The following TARDBP variants were observed in gnomAD, a reference collection of about 807,000 sequenced individuals.
TARDBP encodes TAR DNA binding protein.
Under a neutral mutation model 38.3 loss-of-function variants are expected in TARDBP, and 4 were observed. That is an observed-to-expected ratio of 0.10 (90% CI 0.05 to 0.24). TARDBP has a LOEUF of 0.24. Ranked by LOEUF, TARDBP falls within the 10% of genes least tolerant of loss-of-function variation. TARDBP has a pLI of 1.00. For missense variants in TARDBP, 202 were observed against 521.9 expected (o/e 0.39, Z 5.97); for synonymous variants, 184 against 183.8 (o/e 1.00, Z -0.01).
At chr1:11,027,746 CA>C, downstream of TARDBP, 2 of 1,292,164 alleles carry the variant, frequency 1.5e-6, no homozygotes, top group Non-Finnish European at 2.1e-6. Context: ...TGATGTCAAC[CA>C]AAAATTATAT....
chr1:11,023,351 G>A lies in TARDBP; in HGVS notation c.*697G>A, dbSNP rs387906334. 1.7e-5 allele frequency: 21 copies of A among 1,222,634 alleles called. No individual in the cohort carries two copies. Among genetic ancestry groups the A allele is most frequent in the African/African-American group, 4.5e-5 (3 of 66,296 alleles). 75.7% of individuals were successfully genotyped at this position (1,222,634 alleles called of 1,614,324 possible). A position where few individuals can be genotyped will look rare whatever the true frequency, so the allele number is the denominator to read the frequency against. On this transcript the variant is annotated 3_prime_UTR_variant, in exon 6 of 6. Coordinates refer to ENST00000240185, the MANE Select transcript of TARDBP (RefSeq NM_007375.4). ...GACGGTGGGTGTCCCATTTTTATCC[G>A]CTACTCTTTATTTCATGGAGTCGTA...
In TARDBP at chr1:11,012,698, C is replaced by A. The variant is rs1263726077; in HGVS notation, c.-58C>A. ...GTGGCTGGGCTGCGCTTGGGTCCGTCGCTGCTTCGGTGTCCCTGTCGGGCT... is the reference window on the plus strand; with the variant it reads ...GTGGCTGGGCTGCGCTTGGGTCCGTAGCTGCTTCGGTGTCCCTGTCGGGCT... On this transcript the variant is annotated 5_prime_UTR_variant, in exon 1 of 6. Transcript: ENST00000240185. The A allele has an allele frequency of 6.6e-6, 1 of 152,242 alleles. No homozygotes were observed. The highest frequency in any genetic ancestry group is 1.5e-5 in the Non-Finnish European group (1 of 68,066). 9.4% of individuals were successfully genotyped at this position (152,242 alleles called of 1,614,324 possible).
chr1:11,020,394 T>C (rs762052579), intron 4 of TARDBP, 35 bp from the exon 5 acceptor site: 3 of 1,613,466 alleles, frequency 1.9e-6, no homozygotes, highest in South Asian at 2.2e-5. Flanking sequence ...TCATAACATA[T>C]TTCTGAGTTT....
downstream of TARDBP, chr1:11,030,463 T>C (rs1447419458): frequency 1.2e-5 from 7 of 582,782 alleles, no homozygotes; most frequent in Admixed American, 1.0e-4. Flanking sequence ...AACTTGAATA[T>C]GTATCAAGAT....
chr1:11,030,419 G>A (rs558824017), downstream of TARDBP: 317 of 598,290 alleles, frequency 5.3e-4, 5 homozygotes, highest in South Asian at 5.4e-3. Context: ...GCATTACCAT[G>A]TTTGCTTGCA....
chr1:11,017,395 T>C (rs923192105), intron 3 of TARDBP, among the ~76,000 whole-genome samples: 2 of 151,978 alleles, frequency 1.3e-5, no homozygotes, highest in African/African-American at 4.8e-5. Flanking sequence ...AGAGACAGGG[T>C]TTCACCCGTT....
rs528494087 is a variant in TARDBP, at chr1:11,022,459, G to A, written c.1050G>A (p.Ser350=). The stretch of plus-strand genomic sequence containing the variant: ...GCCAGCAGAACCAGTCAGGCCCATC[G>A]GGTAATAACCAAAACCAAGGCAACA... ...LASQQNQSGP[S]GNNQNQGNMQ... Residue 350 remains serine, a synonymous_variant, in exon 6 of 6, where the codon TCG becomes TCA. Transcript: ENST00000240185. The surrounding 1 kb of genome is among the most constrained non-coding windows in gnomAD (Gnocchi z 4.5). 10 of 1,612,344 alleles carry A rather than the reference G, an allele frequency of 6.2e-6. No homozygotes were observed. The highest frequency in any genetic ancestry group is 1.1e-5 in the South Asian group (1 of 91,052).
At chr1:11,027,523 C>CAT, downstream of TARDBP, 1 of 1,614,162 alleles carries the variant, frequency 6.2e-7, no homozygotes, top group Non-Finnish European at 8.5e-7. Context: ...ACCCAGTTGT[C>CAT]ATATAAAAGT....
chr1:11,020,294 A>G, intron 4 of TARDBP, 135 bp from the exon 5 acceptor site: 1 of 1,020,484 alleles, frequency 9.8e-7, no homozygotes, highest in Non-Finnish European at 1.5e-6. Flanking sequence ...TGATGGAAAA[A>G]ATTAAGGGTA....
chr1:11,016,787 G>C, intron 2 of TARDBP, 57 bp from the exon 3 acceptor site: 2 of 1,572,052 alleles, frequency 1.3e-6, no homozygotes, highest in Non-Finnish European at 1.7e-6. Context: ...AGGAGGTAGT[G>C]TTTTTAAAGA....
chr1:11,021,934 G>A (rs1252844017), intron 5 of TARDBP, among the ~76,000 whole-genome samples, 190 bp from the exon 6 acceptor site: 1 of 152,182 alleles, frequency 6.6e-6, no homozygotes, highest in South Asian at 2.1e-4. Context: ...TTTGAAAATC[G>A]ACTGAAATAT....
At chr1:11,013,498 G>GT (rs1338053958) in intron 1 of TARDBP, among the ~76,000 whole-genome samples, 17 of 152,314 alleles carry the variant, frequency 1.1e-4, no homozygotes, top group Admixed American at 5.2e-4. Flanking sequence ...TTCAGGGAAA[G>GT]TTTTTTGAAT....
At chr1:11,018,558 C>A in intron 3 of TARDBP, 175 bp from the exon 4 acceptor site, 1 of 810,838 alleles carries the variant, frequency 1.2e-6, no homozygotes, top group Non-Finnish European at 2.0e-6. Flanking sequence ...GTTGTTAACA[C>A]AGTATGGATT....
intron 1 of TARDBP, among the ~76,000 whole-genome samples, chr1:11,013,344 C>T (rs931615654): frequency 2.6e-5 from 4 of 152,256 alleles, no homozygotes; most frequent in African/African-American, 9.6e-5. Context: ...TTAGGCTCCT[C>T]CTCTGCCTTC....
intron 2 of TARDBP, among the ~76,000 whole-genome samples, chr1:11,014,695 T>G (rs570251487): frequency 6.6e-6 from 1 of 152,174 alleles, no homozygotes; most frequent in African/African-American, 2.4e-5. Flanking sequence ...TCCCAGCACT[T>G]TGGGAGGCCG....
Position 11,021,754 on chromosome 1 carries a change from C to T in TARDBP, c.715-370C>T, listed in dbSNP as rs115140827. Among the ~76,000 whole-genome samples the T allele has an allele frequency of 9.6e-3, 1,464 of 152,242 alleles. 20 individuals are homozygous for T. Among genetic ancestry groups the T allele is most frequent in the African/African-American group, 0.033 (1,371 of 41,514 alleles). On this transcript the variant is annotated intron_variant, in intron 5 of 5. Transcript: ENST00000240185. ...TAGCTAGGACAGATGCATGCCACTA[C>T]GCCCAGCTAATGTGGCTTTTTTGTG...
At position 11,017,975 on chromosome 1, in the gene TARDBP, C is replaced by T. The variant is rs533767126; in HGVS notation, c.403-758C>T. 2.6e-5 allele frequency among the ~76,000 whole-genome samples: 4 copies of T among 152,182 alleles called. No homozygotes were observed. In the East Asian group the frequency reaches 7.7e-4, roughly 29 times the overall value. Reference sequence around the variant, plus strand: ...TCGGCTCACTGCAAGCTCCGCTTCCCGGGTTCATGCCATTCTCCTGCCTCA... The same window carrying T: ...TCGGCTCACTGCAAGCTCCGCTTCCTGGGTTCATGCCATTCTCCTGCCTCA... On this transcript the variant is annotated intron_variant, in intron 3 of 5. Transcript: ENST00000240185.
intron 1 of TARDBP, among the ~76,000 whole-genome samples, chr1:11,013,247 C>T (rs562850858): frequency 4.6e-5 from 7 of 152,242 alleles, no homozygotes; most frequent in Admixed American, 2.0e-4. Context: ...ACCTGGTTCA[C>T]TGCCCATATT....
Position 11,023,443 on chromosome 1 carries a change from TG to T in TARDBP, c.*792del, listed in dbSNP as rs1643678939. 1 of 630,308 alleles carries T rather than the reference TG, an allele frequency of 1.6e-6. No homozygotes were observed. Among genetic ancestry groups the T allele is most frequent in the South Asian group, 2.2e-5 (1 of 46,316 alleles). The allele number at this position is 630,308 out of a possible 1,614,324, so 39.0% of individuals were successfully genotyped here. ...CTGTCTGAACTTTTGAAACCTTGTG[TG>T]GGATTGATGGTGGTGCCGAGGCATG... On this transcript the variant is annotated 3_prime_UTR_variant, in exon 6 of 6. Coordinates refer to ENST00000240185, the MANE Select transcript of TARDBP (RefSeq NM_007375.4).
Sources: gnomAD v4.1 joint callset for allele counts (sites outside exome capture counted in the v4.1 genomes callset) on GRCh38, gnomAD v4.1.1 for gene constraint, Gnocchi (gnomAD v3.1) non-coding constraint, MANE v1.5 for transcripts, NCBI Gene and HGNC (gene_info 2026-07-23, HGNC 2026-07-21) for gene names.